PDE1C: variants seen among roughly 807,000 people sequenced by gnomAD.
The protein encoded by PDE1C is phosphodiesterase 1C.
In PDE1C, 62 loss-of-function variants were observed where a neutral mutation model predicts 93.1. The ratio of observed to expected loss-of-function variants is 0.67; its 90% CI spans 0.54 to 0.82. PDE1C has a LOEUF of 0.82. Among genes scored for constraint, PDE1C ranks in the 40% least tolerant of loss-of-function variants. PDE1C has a pLI of 0.00. For synonymous variants in PDE1C, 325 were observed against 310.1 expected, an observed-to-expected ratio of 1.05 and a Z score of -0.50; for missense variants, 742 against 884.6, an observed-to-expected ratio of 0.84 and a Z score of 2.04.
chr7:31,922,683 T>C (rs1325675083), intron 2 of PDE1C, among the ~76,000 whole-genome samples: 1 of 152,184 alleles, frequency 6.6e-6, no homozygotes, highest in Non-Finnish European at 1.5e-5. Context: ...ATGAACTGCA[T>C]CCTGTTTATG....
At chr7:31,779,704 G>A (rs546866103) in intron 16 of PDE1C, among the ~76,000 whole-genome samples, 3 of 152,264 alleles carry the variant, frequency 2.0e-5, no homozygotes, top group Non-Finnish European at 2.9e-5. Context: ...ACGGGCCATT[G>A]GCGGGGGGTT....
chr7:32,253,037 G>GT (rs1448994431), intron 1 of PDE1C, among the ~76,000 whole-genome samples: 1 of 152,108 alleles, frequency 6.6e-6, no homozygotes, highest in African/African-American at 2.4e-5. Flanking sequence ...TCAGAGTTGT[G>GT]TTTTTCAAAG....
chr7:32,021,591 AAAAT>A (rs1788679364), intron 2 of PDE1C, among the ~76,000 whole-genome samples: 1 of 152,130 alleles, frequency 6.6e-6, no homozygotes, highest in Non-Finnish European at 1.5e-5. Context: ...CTTGCCTTTT[AAAAT>A]AGTTTTTTTA....
intron 3 of PDE1C, among the ~76,000 whole-genome samples, chr7:32,095,448 T>C (rs1263027314): frequency 6.6e-6 from 1 of 152,204 alleles, no homozygotes; most frequent in African/African-American, 2.4e-5. Context: ...GTGTCACACT[T>C]AGCAGCCTTC....
intron 2 of PDE1C, among the ~76,000 whole-genome samples, chr7:31,961,331 C>G (rs1287296587): frequency 6.6e-6 from 1 of 151,264 alleles, no homozygotes; most frequent in African/African-American, 2.4e-5. Flanking sequence ...TATACATATA[C>G]AAGATTGAGT....
chr7:31,777,836 C>A (rs958670810), intron 16 of PDE1C, among the ~76,000 whole-genome samples: 1 of 152,056 alleles, frequency 6.6e-6, no homozygotes, highest in African/African-American at 2.4e-5. Flanking sequence ...CTGTATCTGG[C>A]GGGACTTTAT....
At position 32,295,744 on chromosome 7, in the gene PDE1C, A is replaced by C. The variant is rs368047085; in HGVS notation, c.85+2907T>G. Among the ~76,000 whole-genome samples, 6 of 152,198 alleles carry C rather than the reference A, an allele frequency of 3.9e-5. No individual in the cohort carries two copies. In the East Asian group the frequency reaches 9.7e-4, roughly 25 times the overall value. On this transcript the variant is annotated intron_variant, in intron 1 of 18. Transcript: ENST00000396193. The stretch of plus-strand genomic sequence containing the variant: ...ACCTCTACTAAAAATACAAAAAAAA[A>C]TTAGCAGGGCGTGTTGGCGGGCGCC...
intron 16 of PDE1C, chr7:31,788,885 G>A (rs1280522052): frequency 6.6e-6 from 1 of 152,120 alleles, no homozygotes; most frequent in Admixed American, 6.6e-5. Context: ...CAAGGCAAAG[G>A]TCCAGGAAGA....
At chr7:31,867,879 A>G (rs947082691) in intron 6 of PDE1C, among the ~76,000 whole-genome samples, 12 of 152,216 alleles carry the variant, frequency 7.9e-5, no homozygotes, top group African/African-American at 2.7e-4. Flanking sequence ...AAACTTCACC[A>G]CAGCCTCCAC....
chr7:32,237,760 A>ATATACACTTTTTTTTTTTTTTTTTTTT, intron 1 of PDE1C, among the ~76,000 whole-genome samples: 1 of 94,684 alleles, frequency 1.1e-5, no homozygotes, highest in South Asian at 3.1e-4. Context: ...ATATATATAT[A>ATATACACTTTTTTTTTTTTTTTTTTTT]TACTTTTTTT....
chr7:32,334,235 A>G (rs1484746191), intron 1 of PDE1C, among the ~76,000 whole-genome samples: 2 of 152,214 alleles, frequency 1.3e-5, no homozygotes, highest in South Asian at 2.1e-4. Flanking sequence ...GCAATTATAT[A>G]AATAAAGATC....
At chr7:31,963,450 C>T (rs972752405) in intron 2 of PDE1C, among the ~76,000 whole-genome samples, 1 of 152,118 alleles carries the variant, frequency 6.6e-6, no homozygotes, top group Non-Finnish European at 1.5e-5. Context: ...TCTTTATGTC[C>T]CACAGTAAAG....
chr7:31,693,879 T>C, the PDE1C span, among the ~76,000 whole-genome samples: 1 of 152,220 alleles, frequency 6.6e-6, no homozygotes, highest in Non-Finnish European at 1.5e-5. Flanking sequence ...CAATTACTCT[T>C]TTAAAATTTC....
At chr7:32,024,143 T>C (rs1789091151) in intron 2 of PDE1C, among the ~76,000 whole-genome samples, 2 of 152,062 alleles carry the variant, frequency 1.3e-5, no homozygotes, top group Admixed American at 6.6e-5. Flanking sequence ...AGTTGAACAA[T>C]ATCTAACATA....
chr7:32,228,738 G>GC (rs1807473942), intron 1 of PDE1C, among the ~76,000 whole-genome samples: 1 of 152,164 alleles, frequency 6.6e-6, no homozygotes, highest in Non-Finnish European at 1.5e-5. Flanking sequence ...TGACATAACA[G>GC]CCTGTGTCCT....
At chr7:32,037,381 G>A (rs1584546432) in intron 2 of PDE1C, among the ~76,000 whole-genome samples, 1 of 152,036 alleles carries the variant, frequency 6.6e-6, no homozygotes, top group East Asian at 1.9e-4. Context: ...TCACCCACAA[G>A]GATACCCACA....
the PDE1C span, among the ~76,000 whole-genome samples, chr7:31,617,779 TAATAAAGATAAAATGAA>T: frequency 7.2e-5 from 11 of 152,130 alleles, no homozygotes; most frequent in East Asian, 3.8e-4. Context: ...AAATTGAAGA[TAATAAAGATAAAATGAA>T]AATGAAGATA....
At chr7:31,738,890 A>G in the PDE1C span, among the ~76,000 whole-genome samples, 2 of 152,084 alleles carry the variant, frequency 1.3e-5, no homozygotes, top group African/African-American at 4.8e-5. Flanking sequence ...GTGATGAACT[A>G]GCACAGGAAA....
chr7:32,127,657 C>T (rs775162644), intron 3 of PDE1C, among the ~76,000 whole-genome samples: 1 of 151,938 alleles, frequency 6.6e-6, no homozygotes, highest in African/African-American at 2.4e-5. Flanking sequence ...TAGGGGGAGA[C>T]AGTCTTCTAA....
Sources: allele counts gnomAD v4.1 joint callset (sites outside exome capture counted in the v4.1 genomes callset), GRCh38; gene constraint gnomAD v4.1.1; transcripts MANE v1.5; gene names NCBI Gene and HGNC (gene_info 2026-07-23, HGNC 2026-07-21).